Variants in MYO1H observed in about 807,000 individuals in gnomAD.
The protein encoded by MYO1H is myosin IH.
MYO1H carries 118 observed loss-of-function variants against 149.3 expected under a neutral mutation model. The ratio of observed to expected loss-of-function variants is 0.79; its 90% CI spans 0.68 to 0.92. The LOEUF (loss-of-function observed/expected upper bound fraction) is 0.92. MYO1H is among the 40% of genes least tolerant of loss of function. MYO1H has a pLI of 0.00. For synonymous variants in MYO1H, 447 were observed against 465.2 expected (o/e 0.96, Z 0.50); for missense variants, 1,212 against 1,280.7 (o/e 0.95, Z 0.82).
At chr12:109,411,746 C>A (rs1870683804) in intron 13 of MYO1H, 148 bp from the exon 14 acceptor site, 7 of 539,048 alleles carry the variant, frequency 1.3e-5, no homozygotes, top group Admixed American at 4.2e-5. Flanking sequence ...TGGATTAAGC[C>A]CTTCTTCCCC....
upstream of MYO1H, among the ~76,000 whole-genome samples, chr12:109,347,193 T>C (rs1023429180): frequency 6.6e-6 from 1 of 152,122 alleles, no homozygotes; most frequent in African/African-American, 2.4e-5. Context: ...AGGCTCAAGT[T>C]TGGGGGCCCA....
chr12:109,383,830 C>G (rs915914148), intron 1 of MYO1H, among the ~76,000 whole-genome samples: 5 of 152,148 alleles, frequency 3.3e-5, no homozygotes, highest in African/African-American at 1.2e-4. Context: ...CCTGTCATCT[C>G]CCCACCCCGA....
chr12:109,424,064 CTT>C (rs1208853190), intron 16 of MYO1H, among the ~76,000 whole-genome samples: 1 of 152,134 alleles, frequency 6.6e-6, no homozygotes, highest in Non-Finnish European at 1.5e-5. Context: ...ATGTGTATCT[CTT>C]TCTTTCTTTT....
the MYO1H span, among the ~76,000 whole-genome samples, chr12:109,338,110 C>T: frequency 1.3e-5 from 2 of 152,086 alleles, no homozygotes; most frequent in South Asian, 4.1e-4. Context: ...GTTCTGTTGC[C>T]CAGGCTGGAG....
At chr12:109,317,205 T>C in the MYO1H span, among the ~76,000 whole-genome samples, 1 of 152,214 alleles carries the variant, frequency 6.6e-6, no homozygotes. Flanking sequence ...TGCTTGATGT[T>C]GAGAATGAAA....
chr12:109,310,496 G>A, the MYO1H span, among the ~76,000 whole-genome samples: 8 of 152,288 alleles, frequency 5.3e-5, no homozygotes, highest in Non-Finnish European at 8.8e-5. Flanking sequence ...GGACCTCTGC[G>A]CCGCCCCCAC....
At chr12:109,327,128 C>CTTTT in the MYO1H span, among the ~76,000 whole-genome samples, 2 of 103,692 alleles carry the variant, frequency 1.9e-5, no homozygotes, top group Non-Finnish European at 3.7e-5. Flanking sequence ...TTTTCTTTTT[C>CTTTT]TTTTTCTTTT....
At chr12:109,401,953 T>G (rs1184519620) in intron 6 of MYO1H, among the ~76,000 whole-genome samples, 1 of 152,074 alleles carries the variant, frequency 6.6e-6, no homozygotes, top group Non-Finnish European at 1.5e-5. Flanking sequence ...TTGTCCAGGC[T>G]GGTCTCAAAC....
rs141495070 is a variant in MYO1H at position 109,350,455 on chromosome 12, C to T, written c.12+2483C>T. ...TGGTCTTATAAGGGGAAACCCCCTT[C>T]GCTTGGCTCTCATTCTCTTCTCTGC... On this transcript the variant is annotated intron_variant, in intron 1 of 31. Transcript: ENST00000310903. 7.9e-5 allele frequency among the ~76,000 whole-genome samples: 12 copies of T among 152,290 alleles called. No homozygotes were observed. In the South Asian group the frequency reaches 8.3e-4, roughly 11 times the overall value.
chr12:109,401,339 C>A, intron 6 of MYO1H, 67 bp downstream of exon 6: 2 of 1,481,682 alleles, frequency 1.3e-6, no homozygotes. Context: ...TTTCTACGTG[C>A]TGCTGTAGGA....
Position 109,422,213 on chromosome 12 carries a change from T to G in MYO1H, c.1644+1186T>G, listed in dbSNP as rs560885169. On this transcript the variant is annotated intron_variant, in intron 16 of 31. Transcript: ENST00000310903. ...TTATTAGCTTGGTTTATTAAAAGCT[T>G]AACCCTAAAGGTAACATTTTTGGAG... is the stretch of plus-strand genomic sequence containing the variant. 2.6e-5 allele frequency among the ~76,000 whole-genome samples: 4 copies of G among 152,350 alleles called. No individual in the cohort carries two copies. In the East Asian group the frequency reaches 5.8e-4, roughly 22 times the overall value.
At position 109,435,028 on chromosome 12, in the gene MYO1H, C is replaced by G; in HGVS notation, c.2064-9C>G. On this transcript the variant is annotated splice_polypyrimidine_tract_variant and intron_variant, in intron 20 of 31. Transcript: ENST00000310903. ...AATTAATAACAAAAACATTTCTTTT[C>G]ACTTCTAGAACCAAAATATTCATTC... The G allele has an allele frequency of 6.3e-7, 1 of 1,593,266 alleles. No homozygotes were observed. Among genetic ancestry groups the G allele is most frequent in the Non-Finnish European group, 8.6e-7 (1 of 1,169,310 alleles).
At chr12:109,342,541 CT>C in the MYO1H span, among the ~76,000 whole-genome samples, 11,277 of 100,300 alleles carry the variant, frequency 0.11, 315 homozygotes, top group Middle Eastern at 0.18. Context: ...CTTCAGGAGA[CT>C]TTTTTTTTTT....
intron 1 of MYO1H, among the ~76,000 whole-genome samples, chr12:109,379,503 A>C (rs1869155406): frequency 6.6e-6 from 1 of 152,112 alleles, no homozygotes; most frequent in African/African-American, 2.4e-5. Context: ...TCACTATGGG[A>C]TTGTTTTAGT....
At chr12:109,390,198 G>A (rs545837569) in intron 2 of MYO1H, among the ~76,000 whole-genome samples, 3 of 150,480 alleles carry the variant, frequency 2.0e-5, no homozygotes, top group South Asian at 2.1e-4. Flanking sequence ...CGATTTTAGC[G>A]TAATCTTTTT....
rs113006827 is a variant in MYO1H, at chr12:109,436,925, CCAAAA to C, written c.2209+387_2209+391del. ...GCAGCATGGTGAAACCCTGTCTCTA[CCAAAA>C]CAAAACAAAACAAAACACCCAAAAA... On this transcript the variant is annotated intron_variant, in intron 22 of 31. Transcript: ENST00000310903. Among the ~76,000 whole-genome samples the C allele has an allele frequency of 9.4e-4, 142 of 151,796 alleles. 2 individuals are homozygous for C. Among genetic ancestry groups the C allele is most frequent in the Non-Finnish European group, 1.3e-3 (90 of 67,938 alleles).
chr12:109,330,980 G>A, the MYO1H span, among the ~76,000 whole-genome samples: 1 of 152,140 alleles, frequency 6.6e-6, no homozygotes, highest in Non-Finnish European at 1.5e-5. Flanking sequence ...ATAATACGCA[G>A]CAATTTGACA....
chr12:109,358,342 C>T (rs1443271460), intron 1 of MYO1H, among the ~76,000 whole-genome samples: 4 of 151,816 alleles, frequency 2.6e-5, no homozygotes, highest in Non-Finnish European at 5.9e-5. Context: ...CACAGGATTC[C>T]GTGTTAGGGG....
At chr12:109,339,224 A>C in the MYO1H span, among the ~76,000 whole-genome samples, 1 of 152,018 alleles carries the variant, frequency 6.6e-6, no homozygotes, top group Non-Finnish European at 1.5e-5. Flanking sequence ...AATTAGCCAG[A>C]AGTGGTGGCA....
Sources: gnomAD v4.1 joint callset for allele counts (sites outside exome capture counted in the v4.1 genomes callset) on GRCh38, gnomAD v4.1.1 for gene constraint, MANE v1.5 for transcripts, NCBI Gene and HGNC (gene_info 2026-07-23, HGNC 2026-07-21) for gene names.